MAGEB6: variants seen among roughly 807,000 people sequenced by gnomAD.
MAGEB6 encodes the protein melanoma-associated antigen B6.
For missense variants in MAGEB6, 327 were observed against 329.7 expected, an observed-to-expected ratio of 0.99 and a Z score of 0.06; for synonymous variants, 128 against 136.2, an observed-to-expected ratio of 0.94 and a Z score of 0.42.
chrX:26,194,535 A>G lies in MAGEB6; in HGVS notation c.689A>G (p.Lys230Arg), dbSNP rs1385467519. The change falls in exon 2 of 2, where the codon AAG becomes AGG. Residue 230 changes from lysine to arginine, a missense_variant. Coordinates refer to ENST00000379034, the MANE Select transcript of MAGEB6 (RefSeq NM_173523.2). Reference sequence around the variant, plus strand: ...CTGAAGTGTGTCCGCAGAGAGTACAAGCCCTACTTCCCTCAGATCCTCAAC... The same window carrying G: ...CTGAAGTGTGTCCGCAGAGAGTACAGGCCCTACTTCCCTCAGATCCTCAAC... ...DMLKCVRREY[K>R]PYFPQILNRT... 1 of 1,211,520 alleles carries G rather than the reference A, an allele frequency of 8.3e-7. No individual in the cohort carries two copies. Among genetic ancestry groups the G allele is most frequent in the South Asian group, 1.8e-5 (1 of 56,893 alleles).
At position 26,194,166 on chromosome X, in the gene MAGEB6, A is replaced by T; in HGVS notation, c.320A>T (p.Gln107Leu). The T allele has an allele frequency of 8.5e-7, 1 of 1,171,154 alleles. No individual in the cohort carries two copies. The highest frequency in any genetic ancestry group is 1.9e-5 in the South Asian group (1 of 52,941). ...SRDASVPQES[Q>L]GASPTGSPDA... ...GATGCCTCCGTTCCTCAGGAGTCTC[A>T]GGGAGCTTCACCCACTGGCTCTCCT... Residue 107 changes from glutamine (Q) to leucine (L), a missense_variant, in exon 2 of 2, where the codon CAG (glutamine) becomes CTG (leucine). Physicochemically the swap from Gln to Leu is moderately radical, Grantham distance 113. Coordinates refer to ENST00000379034, the MANE Select transcript of MAGEB6 (RefSeq NM_173523.2).
Position 26,192,545 on chromosome X carries a change from G to A in MAGEB6, c.-62+18G>A, listed in dbSNP as rs935883874. The A allele has an allele frequency of 7.2e-5, 8 of 111,310 alleles. No homozygotes were observed. The highest frequency in any genetic ancestry group is 2.6e-4 in the African/African-American group (8 of 30,572). The allele number at this position is 111,310 out of a possible 1,213,427, so 9.2% of individuals were successfully genotyped here. ...CTGTCTTGGTGGGTATCCTGACCTAGAACGGGGGGCATTCCCCGACAACTT... is the reference window on the plus strand; with the variant it reads ...CTGTCTTGGTGGGTATCCTGACCTAAAACGGGGGGCATTCCCCGACAACTT... On this transcript the variant is annotated intron_variant, in intron 1 of 1. Coordinates refer to ENST00000379034, the MANE Select transcript of MAGEB6 (RefSeq NM_173523.2).
In MAGEB6 at chrX:26,193,846, C is replaced by T. The variant is rs200391427; in HGVS notation, c.-1C>T. The T allele has an allele frequency of 3.9e-4, 445 of 1,154,799 alleles. No homozygotes were observed. Among genetic ancestry groups the T allele is most frequent in the Admixed American group, 5.9e-4 (22 of 37,059 alleles). Reference sequence around the variant, plus strand: ...ACCTGCTGTCACAGGCCACAGCCATCATGCCTCGGGGTCACAAGAGTAAGC... The same window carrying T: ...ACCTGCTGTCACAGGCCACAGCCATTATGCCTCGGGGTCACAAGAGTAAGC... On this transcript the variant is annotated 5_prime_UTR_variant, in exon 2 of 2. Coordinates refer to ENST00000379034, the MANE Select transcript of MAGEB6 (RefSeq NM_173523.2).
At position 26,194,994 on chromosome X, in the gene MAGEB6, G is replaced by C. The variant is rs768174782; in HGVS notation, c.1148G>C (p.Ser383Thr). The C allele has an allele frequency of 8.3e-7, 1 of 1,211,455 alleles. No individual in the cohort carries two copies. Among genetic ancestry groups the C allele is most frequent in the Non-Finnish European group, 1.1e-6 (1 of 895,496 alleles). Residue 383 changes from serine to threonine, a missense_variant, in exon 2 of 2, where the codon AGT becomes ACT. Transcript: ENST00000379034. The part of the protein sequence containing the change: ...LRVLADSSNT[S>T]PGLYPHLYED... Reference sequence around the variant, plus strand: ...GTTTTGGCCGACAGCAGTAACACCAGTCCCGGTTTATACCCACATCTGTAT... The same window carrying C: ...GTTTTGGCCGACAGCAGTAACACCACTCCCGGTTTATACCCACATCTGTAT...
chrX:26,195,124 C>T lies in MAGEB6; in HGVS notation c.*54C>T. ...GGGTACCTTATGGGGCCATATCCTA[C>T]AGATCCTCCCATTTCTAGGGAGGTC... On this transcript the variant is annotated 3_prime_UTR_variant, in exon 2 of 2. Transcript: ENST00000379034. 1 of 1,143,615 alleles carries T rather than the reference C, an allele frequency of 8.7e-7. No homozygotes were observed. The highest frequency in any genetic ancestry group is 1.2e-6 in the Non-Finnish European group (1 of 852,648). The allele number at this position is 1,143,615 out of a possible 1,213,427, so 94.2% of individuals were successfully genotyped here. A position where few individuals can be genotyped will look rare whatever the true frequency, so the allele number is the denominator to read the frequency against.
Position 26,194,607 on chromosome X carries a change from A to C in MAGEB6, c.761A>C (p.Glu254Ala). 1.7e-6 allele frequency: 2 copies of C among 1,211,520 alleles called. No homozygotes were observed. The highest frequency in any genetic ancestry group is 1.1e-6 in the Non-Finnish European group (1 of 895,512). Residue 254 changes from glutamate (E) to alanine (A), a missense_variant, in exon 2 of 2, where the codon GAA becomes GCA. Glu to Ala is a moderately radical substitution (Grantham distance 107). Coordinates refer to ENST00000379034, the MANE Select transcript of MAGEB6 (RefSeq NM_173523.2). ...LVVAFGVELK[E>A]MDSSGESYTL... is the part of the protein sequence containing the mutation. ...GTGGCCTTTGGCGTTGAATTGAAAG[A>C]AATGGATTCCAGCGGCGAGTCCTAC...
At position 26,194,602 on chromosome X, in the gene MAGEB6, G is replaced by C. The variant is rs774457033; in HGVS notation, c.756G>C (p.Leu252Phe). The C allele has an allele frequency of 1.7e-6, 2 of 1,208,987 alleles. No individual in the cohort carries two copies. Among genetic ancestry groups the C allele is most frequent in the Admixed American group, 4.4e-5 (2 of 45,620 alleles). ...TGGTGGTGGCCTTTGGCGTTGAATT[G>C]AAAGAAATGGATTCCAGCGGCGAGT... ...QHLVVAFGVE[L>F]KEMDSSGESY... Residue 252 changes from leucine to phenylalanine, a missense_variant, in exon 2 of 2, where the codon TTG (leucine) becomes TTC (phenylalanine). Physicochemically the swap from Leu to Phe is conservative, Grantham distance 22. Transcript: ENST00000379034.
rs771894329 is a variant in MAGEB6, at chrX:26,193,974, C to T, written c.128C>T (p.Ser43Phe). The change falls in exon 2 of 2, where the codon TCC becomes TTC. Residue 43 changes from serine to phenylalanine, a missense_variant. Ser to Phe is a radical substitution (Grantham distance 155). Transcript: ENST00000379034. ...CAGGAAGAGTCCCACTCTTCCTCAT[C>T]CTCTTCTCGCGCTTGTCTGGGTGAT... ...EKQEESHSSS[S>F]SSRACLGDCR... 2.5e-6 allele frequency: 3 copies of T among 1,211,611 alleles called. No homozygotes were observed. The highest frequency in any genetic ancestry group is 1.8e-5 in the South Asian group (1 of 56,921).
chrX:26,194,127 CA>C lies in MAGEB6; in HGVS notation c.283del (p.Ser95AlafsTer84). The C allele has an allele frequency of 2.5e-6, 3 of 1,184,983 alleles. No homozygotes were observed. Among genetic ancestry groups the C allele is most frequent in the Admixed American group, 2.2e-5 (1 of 45,101 alleles). On this transcript the variant is annotated frameshift_variant, in exon 2 of 2. Transcript: ENST00000379034. LOFTEE classifies it low-confidence loss of function (END_TRUNC). The stretch of plus-strand genomic sequence containing the variant: ...GCCAACGGCCAAGATGAGAAAAGTC[CA>C]AGCACCTCCCGTGATGCCTCCGTTC... The part of the protein sequence containing the change: ...VAANGQDEKS[P>X]STSRDASVPQ...
At chrX:26,192,638 T>TG (rs1221929466) in intron 1 of MAGEB6, 111 bp downstream of exon 1, 17 of 111,442 alleles carry the variant, frequency 1.5e-4, no homozygotes, top group Non-Finnish European at 2.8e-4. Flanking sequence ...ACCTGGTCCC[T>TG]GAGGAGTCCC....
At position 26,193,130 on chromosome X, in the gene MAGEB6, C is replaced by T. The variant is rs750104751; in HGVS notation, c.-62+603C>T. ...GGCAGAAGTGCTTCCTTATTTCCTC[C>T]GGGTTAAAATTCCTACTGTCAATTT... On this transcript the variant is annotated intron_variant, in intron 1 of 1. Coordinates refer to ENST00000379034, the MANE Select transcript of MAGEB6 (RefSeq NM_173523.2). 5.4e-5 allele frequency among the ~76,000 whole-genome samples: 6 copies of T among 111,175 alleles called. No homozygotes were observed. The South Asian group carries it at 1.2e-3, about 22-fold the overall frequency.
chrX:26,195,321 G>C lies in MAGEB6; in HGVS notation c.*251G>C. 3.0e-6 allele frequency: 1 copy of C among 338,597 alleles called. No individual in the cohort carries two copies. The highest frequency in any genetic ancestry group is 5.3e-6 in the Non-Finnish European group (1 of 189,906). The allele number at this position is 338,597 out of a possible 1,213,427, so 27.9% of individuals were successfully genotyped here. On this transcript the variant is annotated 3_prime_UTR_variant, in exon 2 of 2. Coordinates refer to ENST00000379034, the MANE Select transcript of MAGEB6 (RefSeq NM_173523.2). ...ATCAACATTGTTCCTGTTAAGTGAA[G>C]GTTTATTTTGCTTCAGATTATACAA...
At chrX:26,193,234 G>T (rs1159941015) in intron 1 of MAGEB6, among the ~76,000 whole-genome samples, 1 of 109,124 alleles carries the variant, frequency 9.2e-6, no homozygotes, top group Non-Finnish European at 1.9e-5. Flanking sequence ...TAGGGTACAT[G>T]TGCACAATGT....
At chrX:26,192,766 A>G (rs1346896825) in intron 1 of MAGEB6, among the ~76,000 whole-genome samples, 1 of 111,605 alleles carries the variant, frequency 9.0e-6, no homozygotes, top group African/African-American at 3.3e-5. Flanking sequence ...CTCAGGCCCT[A>G]CATAGTTAAG....
Position 26,194,985 on chromosome X carries a change from G to T in MAGEB6, c.1139G>T (p.Ser380Ile). ...MRVLRVLADS[S>I]NTSPGLYPHL... ...GTCCTGCGTGTTTTGGCCGACAGCA[G>T]TAACACCAGTCCCGGTTTATACCCA... is the stretch of plus-strand genomic sequence containing the variant. Residue 380 changes from serine (S) to isoleucine (I), a missense_variant, in exon 2 of 2, where the codon AGT becomes ATT. By Grantham distance (142) the Ser-to-Ile change is moderately radical (BLOSUM62 -2). Coordinates refer to ENST00000379034, the MANE Select transcript of MAGEB6 (RefSeq NM_173523.2). The T allele has an allele frequency of 1.7e-6, 2 of 1,211,577 alleles. No homozygotes were observed. The highest frequency in any genetic ancestry group is 2.2e-6 in the Non-Finnish European group (2 of 895,505).
At chrX:26,193,261 T>G (rs536894009) in intron 1 of MAGEB6, among the ~76,000 whole-genome samples, 2 of 108,322 alleles carry the variant, frequency 1.8e-5, no homozygotes, top group African/African-American at 6.7e-5. Context: ...TTGTTACATA[T>G]GTATACATGT....
Position 26,194,900 on chromosome X carries a change from C to A in MAGEB6, c.1054C>A (p.Pro352Thr). ...VVYRQVCNSD[P>T]PCYEFLWGPR... ...TTACCGGCAGGTGTGCAACAGTGAT[C>A]CTCCATGCTATGAGTTCCTGTGGGG... The change falls in exon 2 of 2, where the codon CCT becomes ACT. Residue 352 changes from proline (P) to threonine (T), a missense_variant. By Grantham distance (38) the Pro-to-Thr change is conservative. Coordinates refer to ENST00000379034, the MANE Select transcript of MAGEB6 (RefSeq NM_173523.2). 3 of 1,211,600 alleles carry A rather than the reference C, an allele frequency of 2.5e-6. No homozygotes were observed. Among genetic ancestry groups the A allele is most frequent in the South Asian group, 1.8e-5 (1 of 56,924 alleles).
chrX:26,195,289 GT>G lies in MAGEB6; in HGVS notation c.*220del. On this transcript the variant is annotated 3_prime_UTR_variant, in exon 2 of 2. Coordinates refer to ENST00000379034, the MANE Select transcript of MAGEB6 (RefSeq NM_173523.2). ...ACTTGCAGATTTATGTTTTATCTCTGTCAGTTATCAACATTGTTCCTGTTAA... is the reference window on the plus strand; with the variant it reads ...ACTTGCAGATTTATGTTTTATCTCTGCAGTTATCAACATTGTTCCTGTTAA... 1 of 387,641 alleles carries G rather than the reference GT, an allele frequency of 2.6e-6. No individual in the cohort carries two copies. Among genetic ancestry groups the G allele is most frequent in the East Asian group, 4.0e-5 (1 of 24,851 alleles). The allele number at this position is 387,641 out of a possible 1,213,427, so 31.9% of individuals were successfully genotyped here.
chrX:26,195,237 G>A lies in MAGEB6; in HGVS notation c.*167G>A, dbSNP rs956506417. On this transcript the variant is annotated 3_prime_UTR_variant, in exon 2 of 2. Coordinates refer to ENST00000379034, the MANE Select transcript of MAGEB6 (RefSeq NM_173523.2). ...GTAGAGGCTGGAGGGAACAAGATAT[G>A]TATCTTTCTTTTGTTACACATGAGT... is the stretch of plus-strand genomic sequence containing the variant. 1 of 455,732 alleles carries A rather than the reference G, an allele frequency of 2.2e-6. No homozygotes were observed. Among genetic ancestry groups the A allele is most frequent in the African/African-American group, 4.7e-5 (1 of 21,099 alleles). 37.6% of individuals were successfully genotyped at this position (455,732 alleles called of 1,213,427 possible).
Sources: allele counts gnomAD v4.1 joint callset (sites outside exome capture counted in the v4.1 genomes callset), GRCh38; gene constraint gnomAD v4.1.1; transcripts MANE v1.5; gene names NCBI Gene and HGNC (gene_info 2026-07-23, HGNC 2026-07-21).